DPP10: variants seen among roughly 807,000 people sequenced by gnomAD.
The protein encoded by DPP10 is dipeptidyl peptidase like 10, also known as inactive dipeptidyl peptidase 10.
A neutral mutation model predicts 120.9 loss-of-function variants in DPP10; 33 were observed. The observed-to-expected ratio is 0.27, with a 90% CI of 0.21 to 0.37. DPP10 has a LOEUF of 0.37. Among genes scored for constraint, DPP10 ranks in the 10% least tolerant of loss-of-function variants. The pLI is 1.00. For missense variants in DPP10, 816 were observed against 942.8 expected, an observed-to-expected ratio of 0.87 and a Z score of 1.76; for synonymous variants, 337 against 326.1, an observed-to-expected ratio of 1.03 and a Z score of -0.36.
At chr2:115,797,747 A>C (rs1684704438) in intron 19 of DPP10, among the ~76,000 whole-genome samples, 1 of 151,908 alleles carries the variant, frequency 6.6e-6, no homozygotes, top group Non-Finnish European at 1.5e-5. Context: ...TTGTTCTTTC[A>C]CAATTTGTAG....
chr2:114,906,537 A>C (rs1308219709), intron 1 of DPP10, among the ~76,000 whole-genome samples: 3 of 152,098 alleles, frequency 2.0e-5, no homozygotes, highest in Non-Finnish European at 1.5e-5. Flanking sequence ...TAAGTTCACT[A>C]GTTTTCCGTG....
chr2:114,573,919 G>A (rs1428110384), intron 1 of DPP10, among the ~76,000 whole-genome samples: 1 of 152,112 alleles, frequency 6.6e-6, no homozygotes, highest in Non-Finnish European at 1.5e-5. Flanking sequence ...CCTTTGCTAG[G>A]ACATCTCCAC....
At chr2:114,482,439 A>T (rs1259305045) in intron 1 of DPP10, among the ~76,000 whole-genome samples, 1 of 152,198 alleles carries the variant, frequency 6.6e-6, no homozygotes, top group Non-Finnish European at 1.5e-5. Context: ...CAAACGTATC[A>T]GTTATCTATT....
chr2:115,701,876 G>C (rs979443718), intron 7 of DPP10, among the ~76,000 whole-genome samples: 2 of 152,034 alleles, frequency 1.3e-5, no homozygotes, highest in Non-Finnish European at 2.9e-5. Flanking sequence ...ATGGAAAGAA[G>C]TTTGATCTTA....
chr2:114,682,238 G>A lies in DPP10; in HGVS notation c.60+239400G>A, dbSNP rs181906531. On this transcript the variant is annotated intron_variant, in intron 1 of 25. Transcript: ENST00000410059. ...TCCTTCAGAACTGTTTTTCTGTGTA[G>A]CATGGATGGAACTGGAGATCATTAT... is the stretch of plus-strand genomic sequence containing the variant. 2.0e-3 allele frequency among the ~76,000 whole-genome samples: 299 copies of A among 151,994 alleles called. 2 individuals are homozygous for A. The highest frequency in any genetic ancestry group is 6.8e-3 in the African/African-American group (281 of 41,504).
intron 1 of DPP10, among the ~76,000 whole-genome samples, chr2:115,049,994 G>A (rs900341521): frequency 5.9e-5 from 9 of 152,088 alleles, no homozygotes; most frequent in Admixed American, 1.3e-4. Context: ...ACAACATTAC[G>A]ATTCCGTAAG....
intron 1 of DPP10, among the ~76,000 whole-genome samples, chr2:115,007,334 T>C (rs555684636): frequency 1.1e-4 from 16 of 152,328 alleles, no homozygotes; most frequent in African/African-American, 3.8e-4. Flanking sequence ...CACATGATTA[T>C]CTCAATAGAT....
intron 3 of DPP10, among the ~76,000 whole-genome samples, chr2:115,451,251 G>A (rs1278262567): frequency 6.6e-6 from 1 of 151,876 alleles, no homozygotes; most frequent in African/African-American, 2.4e-5. Context: ...CATTATTAAG[G>A]ATGAATAATT....
intron 2 of DPP10, among the ~76,000 whole-genome samples, chr2:115,340,909 T>C (rs555935846): frequency 6.6e-6 from 1 of 152,234 alleles, no homozygotes; most frequent in African/African-American, 2.4e-5. Context: ...TTATCAAATA[T>C]AGATGATAAA....
Position 115,464,198 on chromosome 2 carries a change from G to A in DPP10, c.272-35312G>A, listed in dbSNP as rs182270555. On this transcript the variant is annotated intron_variant, in intron 3 of 25. Transcript: ENST00000410059. ...TCCATTAGTGAAGGGTGATGTGATAGAGCAGTCCCAGTCATAATGTCTTTG... is the reference window on the plus strand; with the variant it reads ...TCCATTAGTGAAGGGTGATGTGATAAAGCAGTCCCAGTCATAATGTCTTTG... Among the ~76,000 whole-genome samples, 7 of 152,290 alleles carry A rather than the reference G, an allele frequency of 4.6e-5. No homozygotes were observed. The East Asian group carries it at 1.4e-3, about 29-fold the overall frequency.
chr2:114,842,859 A>C (rs1453503969), intron 1 of DPP10, among the ~76,000 whole-genome samples: 2 of 136,714 alleles, frequency 1.5e-5, no homozygotes, highest in Admixed American at 6.9e-5. Flanking sequence ...GAGACAAAAA[A>C]GAGAGAGAGA....
In DPP10 at chr2:115,399,897, A is replaced by C. The variant is rs111394849; in HGVS notation, c.271+55985A>C. Among the ~76,000 whole-genome samples, 827 of 152,248 alleles carry C rather than the reference A, an allele frequency of 5.4e-3. 7 individuals are homozygous for C. The highest frequency in any genetic ancestry group is 0.019 in the African/African-American group (774 of 41,524). On this transcript the variant is annotated intron_variant, in intron 3 of 25. Coordinates refer to ENST00000410059, the MANE Select transcript of DPP10 (RefSeq NM_020868.6). ...ATGAGATGGGGTCATTTATAAAGAA[A>C]AAAAGGTTTAATTGGCTCATGGTTC...
chr2:115,608,833 G>A (rs2083886766), intron 5 of DPP10, among the ~76,000 whole-genome samples: 1 of 151,818 alleles, frequency 6.6e-6, no homozygotes, highest in Non-Finnish European at 1.5e-5. Flanking sequence ...ATGACAAGAT[G>A]ATATCAAAAG....
chr2:115,673,002 G>A (rs987963682), intron 5 of DPP10, among the ~76,000 whole-genome samples: 1 of 152,034 alleles, frequency 6.6e-6, no homozygotes. Flanking sequence ...GCCTGTCTTG[G>A]CCTCCCAAAG....
chr2:114,677,701 A>G (rs566649048), intron 1 of DPP10, among the ~76,000 whole-genome samples: 4 of 152,208 alleles, frequency 2.6e-5, no homozygotes, highest in African/African-American at 7.2e-5. Context: ...TTAAAGGAAT[A>G]TAGTGTTTGT....
intron 1 of DPP10, among the ~76,000 whole-genome samples, chr2:114,694,472 T>C (rs1699951591): frequency 6.6e-6 from 1 of 151,938 alleles, no homozygotes; most frequent in Non-Finnish European, 1.5e-5. Context: ...ACCAATTCTC[T>C]CAGTGGGGAT....
chr2:114,545,330 A>ATT (rs34462063), intron 1 of DPP10, among the ~76,000 whole-genome samples: 4 of 152,150 alleles, frequency 2.6e-5, no homozygotes, highest in Admixed American at 6.5e-5. Flanking sequence ...CCACTAGAAA[A>ATT]TTTGAAATTA....
At chr2:115,780,834 T>C in intron 15 of DPP10, 40 bp from the exon 16 acceptor site, 2 of 1,580,426 alleles carry the variant, frequency 1.3e-6, no homozygotes, top group Middle Eastern at 1.7e-4. Context: ...GTGCCTAGAA[T>C]AGTAGCATTT....
chr2:114,989,164 A>AT lies in DPP10; in HGVS notation c.61-320068dup, dbSNP rs145770883. On this transcript the variant is annotated intron_variant, in intron 1 of 25. Transcript: ENST00000410059. The stretch of plus-strand genomic sequence containing the variant: ...GGCTGCTTTAAATGTTGTTTTCCTT[A>AT]TTTTTTTCCCTGCCTTTATTTTTCT... Among the ~76,000 whole-genome samples, 1,120 of 151,780 alleles carry AT rather than the reference A, an allele frequency of 7.4e-3. 16 individuals are homozygous for AT. Among genetic ancestry groups the AT allele is most frequent in the African/African-American group, 0.025 (1,049 of 41,382 alleles).
Sources: allele counts gnomAD v4.1 joint callset (sites outside exome capture counted in the v4.1 genomes callset), GRCh38; gene constraint gnomAD v4.1.1; transcripts MANE v1.5; gene names NCBI Gene and HGNC (gene_info 2026-07-23, HGNC 2026-07-21).